GNAS: variants seen among roughly 807,000 people sequenced by gnomAD.
The protein encoded by GNAS is GNAS complex locus, also known as protein ALEX.
Under a neutral mutation model 54.5 loss-of-function variants are expected in GNAS, and 8 were observed. That is an observed-to-expected ratio of 0.15 (90% CI 0.09 to 0.26). The LOEUF is 0.26. Among genes scored for constraint, GNAS ranks in the 10% least tolerant of loss-of-function variants. The pLI is 1.00. For synonymous variants in GNAS, 204 were observed against 191.4 expected, an observed-to-expected ratio of 1.07 and a Z score of -0.54; for missense variants, 170 against 529.8, an observed-to-expected ratio of 0.32 and a Z score of 6.67.
At position 58,891,786 on chromosome 20, in the gene GNAS, T is replaced by G. The variant is rs1391764576; in HGVS notation, c.60T>G (p.Arg20=). ...EDQRNEEKAQ[R]EANKKIEKQL... Reference sequence around the variant, plus strand: ...AGCGCAACGAGGAGAAGGCGCAGCGTGAGGCCAACAAAAAGATCGAGAAGC... The same window carrying G: ...AGCGCAACGAGGAGAAGGCGCAGCGGGAGGCCAACAAAAAGATCGAGAAGC... Residue 20 remains arginine (R), a synonymous_variant, in exon 1 of 13, where the codon CGT becomes CGG. Coordinates refer to ENST00000371085, the MANE Select transcript of GNAS (RefSeq NM_000516.7). 7.8e-7 allele frequency: 1 copy of G among 1,285,442 alleles called. No individual in the cohort carries two copies. Among genetic ancestry groups the G allele is most frequent in the Admixed American group, 2.1e-5 (1 of 46,600 alleles). 79.6% of individuals were successfully genotyped at this position (1,285,442 alleles called of 1,614,324 possible). A position where few individuals can be genotyped will look rare whatever the true frequency, so the allele number is the denominator to read the frequency against.
rs1270504168 is a variant in GNAS, at chr20:58,863,678, G to GAA, written c.43+22794_43+22795dup. Reference sequence around the variant, plus strand: ...CTGAGTGAGCATCGATTCTTACAAGGAAATTAAGACTTGGGCTGCAAGAGC... The same window carrying GAA: ...CTGAGTGAGCATCGATTCTTACAAGGAAAAATTAAGACTTGGGCTGCAAGAGC... On this transcript the variant is annotated intron_variant, in intron 1 of 12. Coordinates refer to the GNAS transcript ENST00000306090. The surrounding 1 kb of genome is among the most constrained non-coding windows in gnomAD (Gnocchi z 4.1). 1 of 152,382 alleles carries GAA rather than the reference G, an allele frequency of 6.6e-6. No homozygotes were observed. The highest frequency in any genetic ancestry group is 2.4e-5 in the African/African-American group (1 of 41,422). The allele number at this position is 152,382 out of a possible 1,614,324, so 9.4% of individuals were successfully genotyped here. A position where few individuals can be genotyped will look rare whatever the true frequency, so the allele number is the denominator to read the frequency against.
chr20:58,855,593 G>A, intron 1 of GNAS: 1 of 717,488 alleles, frequency 1.4e-6, no homozygotes, highest in Non-Finnish European at 2.6e-6. Context: ...GGTCGTTTCC[G>A]GCTGGACAGG....
rs896637707 is a variant in GNAS, at chr20:58,870,063, C to T, written c.44-25549C>T. ...GCCACACAGGCCTCCCACACAAGGA[C>T]CTACAAAGTCCTCCAATGGGAATTT... On this transcript the variant is annotated intron_variant, in intron 1 of 12. Transcript: ENST00000306090. Among the ~76,000 whole-genome samples, 3 of 152,318 alleles carry T rather than the reference C, an allele frequency of 2.0e-5. 1 individual carries two copies. Among genetic ancestry groups the T allele is most frequent in the Middle Eastern group, 6.8e-3 (2 of 294 alleles).
At chr20:58,880,218 A>G (rs62203841) in intron 1 of GNAS, among the ~76,000 whole-genome samples, 18,956 of 152,192 alleles carry the variant, frequency 0.12, 1,571 homozygotes, top group Non-Finnish European at 0.17. Flanking sequence ...AGTCTTACAC[A>G]GTCCATTTTT....
upstream of GNAS, chr20:58,840,128 C>G: frequency 1.2e-6 from 2 of 1,611,532 alleles, no homozygotes; most frequent in Admixed American, 1.7e-5. The surrounding 1 kb of genome is among the most constrained non-coding windows in gnomAD (Gnocchi z 6.0). Flanking sequence ...GTCCCGGGCT[C>G]AGCAGTGGCG....
At chr20:58,843,209 CTCCTCCCCCGCTCAA>C (rs2085809713) in intron 1 of GNAS, 1 of 126,926 alleles carries the variant, frequency 7.9e-6, no homozygotes, top group African/African-American at 3.1e-5. Flanking sequence ...CCGCTCAATT[CTCCTCCCCCGCTCAA>C]TTCCCCTCCC....
intron 1 of GNAS, among the ~76,000 whole-genome samples, chr20:58,858,370 AAG>A (rs139713343): frequency 7.3e-5 from 11 of 151,016 alleles, no homozygotes; most frequent in East Asian, 1.9e-4. Context: ...TAAGAAATCA[AAG>A]AGAGAGAGAG....
At chr20:58,887,828 A>G (rs1225498623), upstream of GNAS, among the ~76,000 whole-genome samples, 1 of 152,174 alleles carries the variant, frequency 6.6e-6, no homozygotes, top group Non-Finnish European at 1.5e-5. Context: ...TCAGATTCAT[A>G]AAAAAGAGGC....
At chr20:58,866,779 CT>C (rs34589209) in intron 1 of GNAS, among the ~76,000 whole-genome samples, 22,901 of 144,330 alleles carry the variant, frequency 0.16, 1,781 homozygotes, top group South Asian at 0.2. Flanking sequence ...AGATTTTTTT[CT>C]TTTTTTTTTT....
At chr20:58,854,543 A>G in intron 1 of GNAS, 1 of 1,575,606 alleles carries the variant, frequency 6.3e-7, no homozygotes, top group Non-Finnish European at 8.6e-7. Flanking sequence ...GGGCATTCGC[A>G]GCCGATCCCG....
chr20:58,854,207 C>T, intron 1 of GNAS: 2 of 1,613,172 alleles, frequency 1.2e-6, no homozygotes, highest in Non-Finnish European at 1.7e-6. Flanking sequence ...TTGGCAGCGC[C>T]CCCGCTGGGG....
chr20:58,855,536 G>T, intron 1 of GNAS: 1 of 721,016 alleles, frequency 1.4e-6, no homozygotes, highest in Non-Finnish European at 2.6e-6. Context: ...TCGGGTGGCC[G>T]AAGTATATGC....
chr20:58,851,115 G>C (rs111632239), intron 1 of GNAS, among the ~76,000 whole-genome samples: 357 of 152,338 alleles, frequency 2.3e-3, no homozygotes, highest in African/African-American at 7.9e-3. Flanking sequence ...TTGAATCAAA[G>C]TTCAGTGTTG....
At position 58,910,060 on chromosome 20, in the gene GNAS, C is replaced by T. The variant is rs754097818; in HGVS notation, c.949C>T (p.Arg317Cys). 5.0e-6 allele frequency: 8 copies of T among 1,613,570 alleles called. No homozygotes were observed. The South Asian group carries it at 5.5e-5, about 11-fold the overall frequency. The change falls in exon 11 of 13, where the codon CGC becomes TGC. Residue 317 changes from arginine to cysteine, a missense_variant. This residue lies in a region of GNAS where 36 missense variants were observed against 223.0 expected (regional missense o/e 0.16). Transcript: ENST00000371085. This position sits in a 1 kb window ranked among gnomAD's most constrained non-coding sequence, Gnocchi z 5.8. Reference protein sequence around the residue: ...KIEDYFPEFARYTTPEDATPE... With the variant: ...KIEDYFPEFACYTTPEDATPE... ...TGAGGACTACTTTCCAGAATTTGCT[C>T]GCTACACTACTCCTGAGGATGGTGT...
At chr20:58,850,273 G>A (rs1230495888) in intron 1 of GNAS, among the ~76,000 whole-genome samples, 1 of 152,194 alleles carries the variant, frequency 6.6e-6, no homozygotes, top group East Asian at 1.9e-4. Flanking sequence ...TCTCCAGGAT[G>A]AGGAACTGGT....
upstream of GNAS, among the ~76,000 whole-genome samples, chr20:58,888,044 TATC>T (rs1164424591): frequency 5.3e-5 from 8 of 152,260 alleles, no homozygotes; most frequent in African/African-American, 1.9e-4. Context: ...CCTCTGGTGG[TATC>T]AGCCGCCCCA....
intron 1 of GNAS, among the ~76,000 whole-genome samples, chr20:58,877,566 T>C (rs1312829348): frequency 6.6e-6 from 1 of 152,100 alleles, no homozygotes; most frequent in Non-Finnish European, 1.5e-5. Context: ...AGGTGTGAGG[T>C]TGAAATGGAC....
At chr20:58,878,412 C>T (rs2087980262) in intron 1 of GNAS, among the ~76,000 whole-genome samples, 1 of 152,228 alleles carries the variant, frequency 6.6e-6, no homozygotes, top group South Asian at 2.1e-4. Flanking sequence ...ACAGCAAGGA[C>T]TTAGGGCTTT....
intron 3 of GNAS, chr20:58,899,590 T>C (rs932825308): frequency 3.5e-6 from 2 of 565,238 alleles, no homozygotes; most frequent in African/African-American, 3.8e-5. Context: ...GATGGCATCT[T>C]TTATTTTTCC....
Sources: allele counts gnomAD v4.1 joint callset (sites outside exome capture counted in the v4.1 genomes callset), GRCh38; gene constraint gnomAD v4.1.1; regional missense constraint gnomAD v4.1.1; non-coding constraint Gnocchi (gnomAD v3.1); transcripts MANE v1.5; gene names NCBI Gene and HGNC (gene_info 2026-07-23, HGNC 2026-07-21).